MYRIP: variants seen among roughly 807,000 people sequenced by gnomAD.
MYRIP encodes myosin VIIA and Rab interacting protein.
A neutral mutation model predicts 98.0 loss-of-function variants in MYRIP; 49 were observed. The ratio of observed to expected loss-of-function variants is 0.50; its 90% CI spans 0.40 to 0.63. The LOEUF is 0.63. Among genes scored for constraint, MYRIP ranks in the 30% least tolerant of loss-of-function variants. The probability of loss-of-function intolerance (pLI) is 0.00; values close to 1 mark genes in which losing one functional copy is unlikely to be tolerated. For missense variants in MYRIP, 1,004 were observed against 1,058.2 expected, an observed-to-expected ratio of 0.95 and a Z score of 0.71; for synonymous variants, 404 against 409.5, an observed-to-expected ratio of 0.99 and a Z score of 0.16.
intron 2 of MYRIP, among the ~76,000 whole-genome samples, chr3:39,995,948 G>C (rs956876535): frequency 1.3e-5 from 2 of 152,132 alleles, no homozygotes; most frequent in Non-Finnish European, 2.9e-5. Flanking sequence ...CATAAGTGAA[G>C]GAGAAATAAA....
intron 2 of MYRIP, among the ~76,000 whole-genome samples, chr3:39,926,509 T>C (rs1214157153): frequency 6.6e-6 from 1 of 152,050 alleles, no homozygotes; most frequent in Non-Finnish European, 1.5e-5. Flanking sequence ...TTAATTTTTA[T>C]ATATGGTTAA....
At chr3:40,082,670 T>A (rs1278453465) in intron 3 of MYRIP, among the ~76,000 whole-genome samples, 1 of 152,214 alleles carries the variant, frequency 6.6e-6, no homozygotes, top group Non-Finnish European at 1.5e-5. Context: ...AAAGCATAAA[T>A]CTTATTGCTA....
chr3:40,182,711 G>C (rs1950916516), intron 9 of MYRIP, among the ~76,000 whole-genome samples: 1 of 152,182 alleles, frequency 6.6e-6, no homozygotes. Context: ...TCAGCTGCCT[G>C]TTCTATGTGG....
intron 3 of MYRIP, among the ~76,000 whole-genome samples, chr3:40,118,419 C>G (rs370351983): frequency 6.6e-6 from 1 of 151,948 alleles, no homozygotes; most frequent in Admixed American, 6.6e-5. Context: ...GAAGCACTGA[C>G]GTAATAGCAG....
intron 3 of MYRIP, among the ~76,000 whole-genome samples, chr3:40,136,667 A>T (rs1010357516): frequency 2.6e-5 from 4 of 152,122 alleles, no homozygotes; most frequent in East Asian, 1.9e-4. Flanking sequence ...AAAAGAACAG[A>T]AATTATAACA....
At chr3:39,999,090 G>A (rs1363179557) in intron 2 of MYRIP, among the ~76,000 whole-genome samples, 2 of 152,116 alleles carry the variant, frequency 1.3e-5, no homozygotes, top group African/African-American at 4.8e-5. Flanking sequence ...AGAAAACCTA[G>A]GCAATACCAT....
chr3:40,017,694 T>C (rs1293272568), intron 2 of MYRIP, among the ~76,000 whole-genome samples: 1 of 89,180 alleles, frequency 1.1e-5, no homozygotes, highest in East Asian at 3.1e-4. Context: ...AATTTACTTC[T>C]TTTTTTTTTT....
intron 2 of MYRIP, among the ~76,000 whole-genome samples, chr3:40,012,299 T>C (rs1032830409): frequency 1.3e-5 from 2 of 152,230 alleles, no homozygotes; most frequent in African/African-American, 2.4e-5. Flanking sequence ...CTTCAAAATA[T>C]TAAAATTCAA....
intron 2 of MYRIP, among the ~76,000 whole-genome samples, chr3:39,980,137 A>G (rs899944373): frequency 2.1e-5 from 3 of 143,674 alleles, no homozygotes; most frequent in Non-Finnish European, 3.0e-5. Flanking sequence ...GTTCGGGTAC[A>G]TATGACTTAT....
At chr3:40,247,545 A>G (rs990227834) in intron 13 of MYRIP, among the ~76,000 whole-genome samples, 1 of 152,170 alleles carries the variant, frequency 6.6e-6, no homozygotes, top group Non-Finnish European at 1.5e-5. Flanking sequence ...TTCTTTTGAG[A>G]TAGAGTCTCA....
Position 39,955,705 on chromosome 3 carries a change from A to G in MYRIP, c.110+54779A>G, listed in dbSNP as rs146417432. Among the ~76,000 whole-genome samples, 647 of 152,346 alleles carry G rather than the reference A, an allele frequency of 4.2e-3. 4 individuals are homozygous for G. Among genetic ancestry groups the G allele is most frequent in the African/African-American group, 0.015 (632 of 41,580 alleles). ...TTAACCTTAAATGTAAATGGGCTAA[A>G]TGCTGCAATTAAAAGACACAGACTG... is the stretch of plus-strand genomic sequence containing the variant. On this transcript the variant is annotated intron_variant, in intron 2 of 16. Transcript: ENST00000302541.
At chr3:40,176,075 TGAAGG>T (rs1186199432) in intron 8 of MYRIP, among the ~76,000 whole-genome samples, 2 of 152,164 alleles carry the variant, frequency 1.3e-5, no homozygotes, top group Non-Finnish European at 2.9e-5. Context: ...GTTTCATAGA[TGAAGG>T]TAGTAATAAG....
At chr3:40,041,491 A>C (rs1203253109) in intron 2 of MYRIP, among the ~76,000 whole-genome samples, 6 of 150,734 alleles carry the variant, frequency 4.0e-5, no homozygotes, top group Non-Finnish European at 1.5e-5. Flanking sequence ...TCACCTAGTC[A>C]TGCGGAACCA....
At chr3:39,902,255 C>T (rs901854838) in intron 2 of MYRIP, among the ~76,000 whole-genome samples, 7 of 152,160 alleles carry the variant, frequency 4.6e-5, no homozygotes, top group African/African-American at 1.7e-4. Flanking sequence ...TATGTATTTG[C>T]AACTAGGAAT....
intron 16 of MYRIP, 41 bp from the exon 17 acceptor site, chr3:40,258,093 C>G (rs1330104326): frequency 6.2e-7 from 1 of 1,612,090 alleles, no homozygotes; most frequent in East Asian, 2.2e-5. Context: ...TCTCACTCTT[C>G]CCAAGTGGCT....
At chr3:40,072,267 G>A (rs537502705) in intron 3 of MYRIP, among the ~76,000 whole-genome samples, 1 of 152,166 alleles carries the variant, frequency 6.6e-6, no homozygotes, top group African/African-American at 2.4e-5. Flanking sequence ...GGAGTGCAGT[G>A]GCATGATCTT....
intron 1 of MYRIP, among the ~76,000 whole-genome samples, chr3:39,857,787 T>C (rs1257652116): frequency 6.6e-6 from 1 of 152,170 alleles, no homozygotes; most frequent in Admixed American, 6.5e-5. Context: ...TTATTATATA[T>C]GATCAAAATT....
intron 2 of MYRIP, among the ~76,000 whole-genome samples, chr3:39,943,766 G>C (rs546905988): frequency 1.2e-4 from 19 of 152,220 alleles, no homozygotes; most frequent in African/African-American, 4.6e-4. Flanking sequence ...TGGATTCATA[G>C]GGCCAAGAGT....
At chr3:40,147,215 C>T (rs545321159) in intron 3 of MYRIP, among the ~76,000 whole-genome samples, 5 of 152,092 alleles carry the variant, frequency 3.3e-5, no homozygotes, top group East Asian at 1.9e-4. Context: ...TATATGCTGG[C>T]GACCTCTATG....
Sources: gnomAD v4.1 joint callset for allele counts (sites outside exome capture counted in the v4.1 genomes callset) on GRCh38, gnomAD v4.1.1 for gene constraint, MANE v1.5 for transcripts, NCBI Gene and HGNC (gene_info 2026-07-23, HGNC 2026-07-21) for gene names.